Variants in AGTR1 observed in about 807,000 individuals in gnomAD.
The protein encoded by AGTR1 is angiotensin II receptor type 1.
In AGTR1, 16 loss-of-function variants were observed where a neutral mutation model predicts 19.4. That is an observed-to-expected ratio of 0.82 (90% CI 0.56 to 1.25). AGTR1 has a LOEUF of 1.25. Ranked by LOEUF, AGTR1 falls within the 50% of genes most tolerant of loss-of-function variation. AGTR1 has a pLI of 0.00. For synonymous variants in AGTR1, 153 were observed against 154.9 expected (o/e 0.99, Z 0.09); for missense variants, 373 against 431.9 (o/e 0.86, Z 1.21).
chr3:148,718,672 A>G (rs981899373), intron 2 of AGTR1, among the ~76,000 whole-genome samples: 4 of 152,190 alleles, frequency 2.6e-5, no homozygotes, highest in Non-Finnish European at 5.9e-5. Flanking sequence ...TAGTTTTTAA[A>G]CCTATATATT....
In AGTR1 at chr3:148,742,199, G is replaced by A. The variant is rs1198074218; in HGVS notation, c.*84G>A. The A allele has an allele frequency of 1.3e-6, 2 of 1,552,314 alleles. No individual in the cohort carries two copies. The highest frequency in any genetic ancestry group is 1.1e-5 in the South Asian group (1 of 89,222). On this transcript the variant is annotated 3_prime_UTR_variant, in exon 3 of 3. Transcript: ENST00000349243. ...TCTGCAGCACTTCACTACCAAATGA[G>A]CATTAGCTACTTTTCAGAATTGAAG...
intron 2 of AGTR1, among the ~76,000 whole-genome samples, chr3:148,710,782 G>A (rs1054679563): frequency 2.6e-5 from 4 of 152,168 alleles, no homozygotes; most frequent in Non-Finnish European, 5.9e-5. Context: ...GATCCCCTGT[G>A]TTGGAGGTGG....
At chr3:148,739,962 G>A in intron 2 of AGTR1, 1 of 1,231,832 alleles carries the variant, frequency 8.1e-7, no homozygotes. Context: ...ATTCGGTGAT[G>A]TCACTCTCAC....
chr3:148,729,315 C>T (rs964948951), intron 2 of AGTR1, among the ~76,000 whole-genome samples: 1 of 152,136 alleles, frequency 6.6e-6, no homozygotes, highest in African/African-American at 2.4e-5. Context: ...GAGTAATGTG[C>T]CACTTCCCTA....
At chr3:148,740,059 A>C in intron 2 of AGTR1, 1 of 1,042,538 alleles carries the variant, frequency 9.6e-7, no homozygotes, top group Non-Finnish European at 1.2e-6. Context: ...ATAAATGAAT[A>C]GCTTGACTGT....
chr3:148,723,824 G>A (rs1184895328), intron 2 of AGTR1, among the ~76,000 whole-genome samples: 1 of 152,076 alleles, frequency 6.6e-6, no homozygotes, highest in African/African-American at 2.4e-5. Context: ...GCCATGAATC[G>A]CTGCATGTGG....
intron 2 of AGTR1, among the ~76,000 whole-genome samples, chr3:148,739,210 T>A (rs1027251475): frequency 3.9e-5 from 6 of 152,054 alleles, no homozygotes; most frequent in African/African-American, 1.4e-4. Context: ...AATAAAAAAA[T>A]TAGCTGGGCA....
At chr3:148,723,147 C>G (rs1713742618) in intron 2 of AGTR1, among the ~76,000 whole-genome samples, 1 of 152,148 alleles carries the variant, frequency 6.6e-6, no homozygotes, top group African/African-American at 2.4e-5. Flanking sequence ...GTCAGTGTAG[C>G]AATGTGTTCT....
chr3:148,728,238 A>ATTCC (rs1714065703), intron 2 of AGTR1, among the ~76,000 whole-genome samples: 1 of 152,238 alleles, frequency 6.6e-6, no homozygotes, highest in African/African-American at 2.4e-5. Context: ...AGCAATGGGA[A>ATTCC]TAATGATGCC....
chr3:148,711,304 A>G (rs1288313882), intron 2 of AGTR1, among the ~76,000 whole-genome samples: 2 of 152,166 alleles, frequency 1.3e-5, no homozygotes, highest in Non-Finnish European at 2.9e-5. Context: ...TGTGTTATAT[A>G]AGGCAAAAAA....
At chr3:148,710,821 A>T (rs1275079011) in intron 2 of AGTR1, among the ~76,000 whole-genome samples, 2 of 152,114 alleles carry the variant, frequency 1.3e-5, no homozygotes, top group African/African-American at 4.8e-5. Flanking sequence ...TGGATCCTGC[A>T]GGCGGATCTC....
At chr3:148,740,626 C>T (rs889618748) in intron 2 of AGTR1, among the ~76,000 whole-genome samples, 1 of 152,152 alleles carries the variant, frequency 6.6e-6, no homozygotes, top group Non-Finnish European at 1.5e-5. Context: ...TCAAGTCTTT[C>T]TGAAAAACTA....
At chr3:148,725,773 A>G (rs1210417843) in intron 2 of AGTR1, among the ~76,000 whole-genome samples, 1 of 152,170 alleles carries the variant, frequency 6.6e-6, no homozygotes, top group African/African-American at 2.4e-5. Flanking sequence ...ATGAGCCACC[A>G]CACCCGGCCG....
rs375651856 is a variant in AGTR1, at chr3:148,707,551, T to C, written c.-131-393T>C. On this transcript the variant is annotated intron_variant, in intron 1 of 2. Coordinates refer to ENST00000349243, the MANE Select transcript of AGTR1 (RefSeq NM_000685.5). ...AGCTTTATACTAAGTAATAGAATCATTTAAGTTTAGCTGTAGATTCACAAG... is the reference window on the plus strand; with the variant it reads ...AGCTTTATACTAAGTAATAGAATCACTTAAGTTTAGCTGTAGATTCACAAG... Among the ~76,000 whole-genome samples the C allele has an allele frequency of 2.6e-5, 4 of 152,314 alleles. No individual in the cohort carries two copies. The East Asian group carries it at 7.7e-4, about 29-fold the overall frequency.
intron 2 of AGTR1, among the ~76,000 whole-genome samples, chr3:148,712,426 C>T (rs1246594285): frequency 6.6e-6 from 1 of 152,110 alleles, no homozygotes; most frequent in Non-Finnish European, 1.5e-5. Context: ...TTCCTCCCCA[C>T]CTCTAGGCAA....
At chr3:148,710,237 A>G (rs538935263) in intron 2 of AGTR1, among the ~76,000 whole-genome samples, 2 of 152,262 alleles carry the variant, frequency 1.3e-5, no homozygotes, top group Admixed American at 6.5e-5. Flanking sequence ...TACTTTTGAA[A>G]TTATGATTTC....
chr3:148,711,752 TAGAC>T (rs1267158436), intron 2 of AGTR1, among the ~76,000 whole-genome samples: 7 of 151,174 alleles, frequency 4.6e-5, no homozygotes, highest in Non-Finnish European at 8.8e-5. Flanking sequence ...GACAGACAGA[TAGAC>T]AGATATTTTT....
At chr3:148,726,896 T>C (rs1481837868) in intron 2 of AGTR1, among the ~76,000 whole-genome samples, 3 of 152,220 alleles carry the variant, frequency 2.0e-5, no homozygotes, top group Non-Finnish European at 4.4e-5. Context: ...AGTAAGAGAA[T>C]AGAGTTCTTA....
intron 2 of AGTR1, among the ~76,000 whole-genome samples, chr3:148,719,480 T>C (rs1047287212): frequency 6.6e-6 from 1 of 152,018 alleles, no homozygotes; most frequent in Non-Finnish European, 1.5e-5. Flanking sequence ...ATATGAAACA[T>C]ATATTTTTGT....
Sources: allele counts gnomAD v4.1 joint callset (sites outside exome capture counted in the v4.1 genomes callset), GRCh38; gene constraint gnomAD v4.1.1; transcripts MANE v1.5; gene names NCBI Gene and HGNC (gene_info 2026-07-23, HGNC 2026-07-21).